Variants in NAV3 observed in about 807,000 individuals in gnomAD.
The protein encoded by NAV3 is neuron navigator 3, also known as pore membrane and/or filament interacting like protein 1.
Under a neutral mutation model 244.7 loss-of-function variants are expected in NAV3, and 87 were observed. That is an observed-to-expected ratio of 0.36 (90% confidence interval 0.30 to 0.42). NAV3 has a LOEUF of 0.42. NAV3 is among the 20% of genes least tolerant of loss of function. The probability of loss-of-function intolerance (pLI) is 1.00; values close to 1 mark genes in which losing one functional copy is unlikely to be tolerated. For synonymous variants in NAV3, 1,126 were observed against 1,042.2 expected (o/e 1.08, Z -1.55); for missense variants, 2,663 against 2,893.3 (o/e 0.92, Z 1.83).
At chr12:77,733,277 T>C (rs1877201062) in intron 2 of NAV3, among the ~76,000 whole-genome samples, 1 of 151,946 alleles carries the variant, frequency 6.6e-6, no homozygotes, top group Non-Finnish European at 1.5e-5. Flanking sequence ...ATGACGAGTA[T>C]TTGTGGCTTG....
At chr12:77,936,036 T>G (rs574438618) in intron 1 of NAV3, among the ~76,000 whole-genome samples, 1 of 152,284 alleles carries the variant, frequency 6.6e-6, no homozygotes, top group Admixed American at 6.5e-5. Flanking sequence ...TATCAGTAGG[T>G]TATAATATTA....
intron 2 of NAV3, among the ~76,000 whole-genome samples, chr12:77,709,295 A>G (rs974053126): frequency 6.6e-6 from 1 of 152,210 alleles, no homozygotes. Flanking sequence ...TATTGATGGG[A>G]CGTATCTCAA....
At chr12:77,792,557 A>G (rs1258611712) in intron 2 of NAV3, among the ~76,000 whole-genome samples, 1 of 152,174 alleles carries the variant, frequency 6.6e-6, no homozygotes, top group East Asian at 1.9e-4. Flanking sequence ...CAGCCATATC[A>G]AGCATGGCTA....
intron 8 of NAV3, among the ~76,000 whole-genome samples, chr12:78,017,234 T>C (rs920496882): frequency 2.0e-5 from 3 of 152,170 alleles, no homozygotes; most frequent in African/African-American, 7.2e-5. Context: ...ATAGCTCTCA[T>C]GGTAATCACT....
intron 22 of NAV3, among the ~76,000 whole-genome samples, chr12:78,155,392 A>G (rs1226592613): frequency 2.6e-5 from 4 of 152,058 alleles, no homozygotes; most frequent in Admixed American, 2.0e-4. Context: ...CATGGTGTAT[A>G]TGTACCACAT....
chr12:78,115,732 T>TA (rs140110843), intron 12 of NAV3, among the ~76,000 whole-genome samples: 1,995 of 152,294 alleles, frequency 0.013, 57 homozygotes, highest in African/African-American at 0.045. Flanking sequence ...TACCATCGTG[T>TA]TAGAGTTGCC....
chr12:77,843,297 C>CA (rs892892078), intron 1 of NAV3, among the ~76,000 whole-genome samples: 238 of 150,394 alleles, frequency 1.6e-3, no homozygotes, highest in Middle Eastern at 0.01. Flanking sequence ...TATTGTATTA[C>CA]AAAAAAAAAG....
At chr12:77,932,680 G>A (rs569681787) in intron 1 of NAV3, among the ~76,000 whole-genome samples, 1 of 152,146 alleles carries the variant, frequency 6.6e-6, no homozygotes, top group East Asian at 1.9e-4. Flanking sequence ...CTGCACTCAA[G>A]TTCAAGTTTA....
intron 2 of NAV3, among the ~76,000 whole-genome samples, chr12:77,658,989 C>T (rs1873281770): frequency 1.3e-5 from 2 of 152,056 alleles, no homozygotes; most frequent in African/African-American, 2.4e-5. Context: ...AACGTTAGAC[C>T]TAAAACCATA....
chr12:78,110,819 A>T (rs1229717610), intron 12 of NAV3, among the ~76,000 whole-genome samples: 1 of 152,084 alleles, frequency 6.6e-6, no homozygotes, highest in African/African-American at 2.4e-5. Context: ...GTTATATAGA[A>T]TTGGAAGACT....
chr12:78,122,473 T>C (rs2138710467), intron 16 of NAV3, 45 bp downstream of exon 16: 1 of 1,521,098 alleles, frequency 6.6e-7, no homozygotes, highest in Non-Finnish European at 8.7e-7. Flanking sequence ...CCCTCTTCCC[T>C]GCACTATGCC....
intron 12 of NAV3, among the ~76,000 whole-genome samples, chr12:78,071,223 T>G (rs1223549043): frequency 2.0e-5 from 3 of 152,202 alleles, no homozygotes; most frequent in Non-Finnish European, 1.5e-5. Context: ...TGCTGTTTCC[T>G]GACTTTTTAA....
intron 2 of NAV3, among the ~76,000 whole-genome samples, chr12:77,669,458 C>T (rs1873863821): frequency 6.6e-6 from 1 of 152,126 alleles, no homozygotes; most frequent in South Asian, 2.1e-4. Flanking sequence ...TCAGGAGACT[C>T]ACCTGACACA....
chr12:78,097,913 G>C (rs1291197044), intron 12 of NAV3, among the ~76,000 whole-genome samples: 1 of 152,036 alleles, frequency 6.6e-6, no homozygotes, highest in Non-Finnish European at 1.5e-5. Context: ...TAATGCCAAA[G>C]ATATTTCAAG....
At chr12:77,844,246 A>G (rs958178795) in intron 1 of NAV3, among the ~76,000 whole-genome samples, 1 of 152,162 alleles carries the variant, frequency 6.6e-6, no homozygotes, top group African/African-American at 2.4e-5. Context: ...CATCGTCCAC[A>G]GGGGAGGGAT....
rs751140441 is a variant in NAV3, at chr12:78,127,219, C to T, written c.4280+11C>T. Reference sequence around the variant, plus strand: ...CAAAAAGGGACTAAGGTATATATTCCTCTCAGCACAATTGCTACCTCTCTG... The same window carrying T: ...CAAAAAGGGACTAAGGTATATATTCTTCTCAGCACAATTGCTACCTCTCTG... On this transcript the variant is annotated intron_variant, in intron 17 of 39. Transcript: ENST00000397909. 1 of 1,611,896 alleles carries T rather than the reference C, an allele frequency of 6.2e-7. No homozygotes were observed. Among genetic ancestry groups the T allele is most frequent in the Non-Finnish European group, 8.5e-7 (1 of 1,178,434 alleles).
intron 16 of NAV3, 44 bp from the exon 17 acceptor site, chr12:78,127,123 T>C: frequency 1.9e-6 from 3 of 1,596,190 alleles, no homozygotes; most frequent in South Asian, 1.1e-5. Flanking sequence ...AATTTGGAAG[T>C]TTTGTTTACA....
intron 2 of NAV3, among the ~76,000 whole-genome samples, chr12:77,725,953 A>G (rs895940424): frequency 6.6e-6 from 1 of 151,682 alleles, no homozygotes; most frequent in Non-Finnish European, 1.5e-5. Context: ...ATGCTGCATC[A>G]CTCTGAATCT....
intron 23 of NAV3, 27 bp downstream of exon 23, chr12:78,159,313 C>T: frequency 6.3e-7 from 1 of 1,584,954 alleles, no homozygotes. Flanking sequence ...CCACTGGAGA[C>T]TGAAAGAAGA....
Sources: allele counts gnomAD v4.1 joint callset (sites outside exome capture counted in the v4.1 genomes callset), GRCh38; gene constraint gnomAD v4.1.1; transcripts MANE v1.5; gene names NCBI Gene and HGNC (gene_info 2026-07-23, HGNC 2026-07-21).